Variants in SUGCT observed in about 807,000 individuals in gnomAD.
SUGCT encodes succinyl-CoA:glutarate CoA-transferase.
In SUGCT, 41 loss-of-function variants were observed where a neutral mutation model predicts 55.0. The observed-to-expected ratio is 0.74, with a 90% CI of 0.58 to 0.97. The LOEUF (loss-of-function observed/expected upper bound fraction) is 0.97. Ranked by LOEUF, SUGCT falls within the 50% of genes least tolerant of loss-of-function variation. The pLI is 0.00. For synonymous variants in SUGCT, 187 were observed against 200.4 expected, an observed-to-expected ratio of 0.93 and a Z score of 0.56; for missense variants, 568 against 547.8, an observed-to-expected ratio of 1.04 and a Z score of -0.37.
chr7:40,948,433 CATG>C, the SUGCT span, among the ~76,000 whole-genome samples: 46,581 of 148,846 alleles, frequency 0.31, 7,483 homozygotes, highest in African/African-American at 0.41. Context: ...CCCTGAAAAA[CATG>C]ATGATGATGA....
intron 6 of SUGCT, among the ~76,000 whole-genome samples, chr7:40,234,421 C>G (rs1219050146): frequency 6.6e-6 from 1 of 152,196 alleles, no homozygotes. Flanking sequence ...TGCCCTGGAA[C>G]TCATTCTCTA....
intron 13 of SUGCT, among the ~76,000 whole-genome samples, chr7:40,838,537 T>A (rs1451604014): frequency 6.6e-6 from 1 of 152,224 alleles, no homozygotes; most frequent in Admixed American, 6.5e-5. Context: ...GTGTTTTTAA[T>A]TTCAGTTTCC....
intron 1 of SUGCT, chr7:40,153,247 T>C: frequency 2.5e-6 from 1 of 400,542 alleles, no homozygotes; most frequent in Middle Eastern, 4.1e-4. Flanking sequence ...CTTGCAGAGA[T>C]GAGACTGATG....
the SUGCT span, among the ~76,000 whole-genome samples, chr7:40,898,362 A>C: frequency 2.6e-5 from 4 of 151,968 alleles, no homozygotes; most frequent in African/African-American, 9.7e-5. Context: ...TCGCTCCTGA[A>C]GTCAGCAAGA....
At chr7:40,146,100 CTT>C (rs58024497) in intron 1 of SUGCT, among the ~76,000 whole-genome samples, 31 of 141,370 alleles carry the variant, frequency 2.2e-4, no homozygotes, top group Admixed American at 2.1e-4. Context: ...ACCTTTTTTG[CTT>C]TTTTTTTTTT....
At chr7:40,786,070 G>C (rs773176546) in intron 13 of SUGCT, among the ~76,000 whole-genome samples, 8 of 152,116 alleles carry the variant, frequency 5.3e-5, no homozygotes, top group Non-Finnish European at 1.2e-4. Context: ...CTGCACTTTA[G>C]CCTGGGCAAC....
intron 12 of SUGCT, among the ~76,000 whole-genome samples, chr7:40,691,043 T>C (rs1383301496): frequency 2.0e-5 from 3 of 152,158 alleles, no homozygotes; most frequent in Non-Finnish European, 4.4e-5. Context: ...ATATTTCCTC[T>C]GGAATAGAAA....
chr7:40,359,931 G>T (rs1223692343), intron 9 of SUGCT, among the ~76,000 whole-genome samples: 3 of 152,124 alleles, frequency 2.0e-5, no homozygotes, highest in African/African-American at 7.2e-5. Context: ...CAATTTTATT[G>T]GTAACTACTT....
the SUGCT span, among the ~76,000 whole-genome samples, chr7:40,986,572 C>T: frequency 3.3e-5 from 5 of 152,134 alleles, no homozygotes; most frequent in East Asian, 1.9e-4. Context: ...GAAAACAGTG[C>T]GGGATTGGGT....
chr7:40,713,490 A>G (rs973672833), intron 12 of SUGCT, among the ~76,000 whole-genome samples: 1 of 152,236 alleles, frequency 6.6e-6, no homozygotes, highest in African/African-American at 2.4e-5. Flanking sequence ...TGTTATCACA[A>G]GAAATGCCAC....
chr7:40,927,341 C>T, the SUGCT span, among the ~76,000 whole-genome samples: 1 of 152,066 alleles, frequency 6.6e-6, no homozygotes, highest in Admixed American at 6.6e-5. Context: ...TTGCCTTGCT[C>T]TTGTGTGGTA....
chr7:40,871,275 G>A, the SUGCT span, among the ~76,000 whole-genome samples: 1 of 152,154 alleles, frequency 6.6e-6, no homozygotes, highest in East Asian at 1.9e-4. Context: ...AAGAGGTATG[G>A]CATCTTCCTT....
the SUGCT span, among the ~76,000 whole-genome samples, chr7:41,032,850 G>T: frequency 4.9e-3 from 748 of 152,310 alleles, 5 homozygotes; most frequent in Non-Finnish European, 8.1e-3. Context: ...TGCAACCTCT[G>T]CCTCCCGGGT....
At chr7:40,200,236 A>G (rs2150762847) in intron 6 of SUGCT, among the ~76,000 whole-genome samples, 1 of 152,298 alleles carries the variant, frequency 6.6e-6, no homozygotes, top group East Asian at 1.9e-4. Context: ...GCTCAGGGCA[A>G]ACAATGTAGA....
intron 9 of SUGCT, among the ~76,000 whole-genome samples, chr7:40,361,722 G>A (rs1343236028): frequency 1.3e-5 from 2 of 152,098 alleles, no homozygotes; most frequent in Non-Finnish European, 2.9e-5. Context: ...ATTTTTGAAT[G>A]ATAAAGGCAG....
intron 8 of SUGCT, among the ~76,000 whole-genome samples, chr7:40,279,679 A>G (rs1436287668): frequency 1.3e-5 from 2 of 152,178 alleles, no homozygotes; most frequent in Non-Finnish European, 2.9e-5. Flanking sequence ...AACGTTTCAT[A>G]ATAGATAAAC....
chr7:40,526,681 C>T (rs1793816786), intron 12 of SUGCT, among the ~76,000 whole-genome samples: 1 of 152,124 alleles, frequency 6.6e-6, no homozygotes, highest in Admixed American at 6.6e-5. Context: ...GTTAAGAATC[C>T]TCCTCTTCTG....
chr7:40,635,167 T>C (rs937888796), intron 12 of SUGCT, among the ~76,000 whole-genome samples: 1 of 152,054 alleles, frequency 6.6e-6, no homozygotes, highest in Non-Finnish European at 1.5e-5. Flanking sequence ...GTGCCTGTAG[T>C]CCCAGCTACT....
At chr7:40,140,147 G>A (rs1010420406) in intron 1 of SUGCT, among the ~76,000 whole-genome samples, 8 of 151,900 alleles carry the variant, frequency 5.3e-5, no homozygotes, top group South Asian at 2.1e-4. Context: ...CAGTTGATCC[G>A]CCCGCCTAGG....
Sources: allele counts gnomAD v4.1 joint callset (sites outside exome capture counted in the v4.1 genomes callset), GRCh38; gene constraint gnomAD v4.1.1; transcripts MANE v1.5; gene names NCBI Gene and HGNC (gene_info 2026-07-23, HGNC 2026-07-21).